Variants in EPHB1 observed in about 807,000 individuals in gnomAD.
EPHB1 encodes EPH receptor B1.
Under a neutral mutation model 94.4 loss-of-function variants are expected in EPHB1, and 30 were observed. The observed-to-expected ratio is 0.32, with a 90% CI of 0.24 to 0.43. The LOEUF (loss-of-function observed/expected upper bound fraction) is 0.43. Among genes scored for constraint, EPHB1 ranks in the 20% least tolerant of loss-of-function variants. The pLI is 1.00. For missense variants in EPHB1, 1,055 were observed against 1,308.3 expected, an observed-to-expected ratio of 0.81 and a Z score of 2.99; for synonymous variants, 522 against 489.1, an observed-to-expected ratio of 1.07 and a Z score of -0.89.
chr3:135,214,907 T>A (rs996672947), intron 12 of EPHB1, among the ~76,000 whole-genome samples: 1 of 152,210 alleles, frequency 6.6e-6, no homozygotes, highest in South Asian at 2.1e-4. Flanking sequence ...TTTGGCATGG[T>A]ACGAGGAATG....
intron 1 of EPHB1, chr3:134,841,504 A>T (rs1196104797): frequency 6.6e-6 from 1 of 152,228 alleles, no homozygotes; most frequent in Non-Finnish European, 1.5e-5. Context: ...AGGCAGTAGG[A>T]TGAGAGATTC....
chr3:135,226,224 A>G (rs1043854994), intron 12 of EPHB1, among the ~76,000 whole-genome samples: 4 of 152,108 alleles, frequency 2.6e-5, no homozygotes, highest in Non-Finnish European at 4.4e-5. Context: ...GCCCTGTCTC[A>G]TGGCAGTTTC....
At chr3:134,844,636 C>A (rs1231854819) in intron 1 of EPHB1, among the ~76,000 whole-genome samples, 2 of 152,210 alleles carry the variant, frequency 1.3e-5, no homozygotes, top group Non-Finnish European at 2.9e-5. Flanking sequence ...ACCTTCATAT[C>A]AGCAGAGCTC....
chr3:135,185,352 G>T (rs957756796), intron 10 of EPHB1, among the ~76,000 whole-genome samples: 1 of 152,158 alleles, frequency 6.6e-6, no homozygotes, highest in African/African-American at 2.4e-5. Flanking sequence ...ACAGCATGAG[G>T]GTAGCTCCAC....
At chr3:135,214,594 G>C (rs917131824) in intron 12 of EPHB1, among the ~76,000 whole-genome samples, 2 of 152,172 alleles carry the variant, frequency 1.3e-5, no homozygotes, top group Non-Finnish European at 2.9e-5. Context: ...CCAGGTCATG[G>C]TGTAGGCAGC....
intron 3 of EPHB1, among the ~76,000 whole-genome samples, chr3:135,081,270 T>C (rs1938153876): frequency 6.6e-6 from 1 of 152,194 alleles, no homozygotes; most frequent in East Asian, 1.9e-4. Flanking sequence ...GGGATAATTA[T>C]TTTAAGCTAC....
At chr3:135,054,183 G>A (rs1274029545) in intron 3 of EPHB1, among the ~76,000 whole-genome samples, 1 of 151,864 alleles carries the variant, frequency 6.6e-6, no homozygotes, top group Admixed American at 6.6e-5. Context: ...CATCCAATCA[G>A]TTGAAAGCCT....
chr3:135,010,272 C>T (rs1316344730), intron 3 of EPHB1, among the ~76,000 whole-genome samples: 3 of 152,096 alleles, frequency 2.0e-5, no homozygotes, highest in African/African-American at 4.8e-5. Context: ...CCCTTGATTT[C>T]CTACTTCCTC....
chr3:135,229,798 C>G (rs956898873), intron 12 of EPHB1, among the ~76,000 whole-genome samples: 9 of 152,184 alleles, frequency 5.9e-5, no homozygotes, highest in Admixed American at 5.9e-4. Flanking sequence ...AGCTGTATTG[C>G]CTGCCGTAGC....
chr3:135,068,516 G>A (rs1406213392), intron 3 of EPHB1, among the ~76,000 whole-genome samples: 1 of 151,684 alleles, frequency 6.6e-6, no homozygotes, highest in African/African-American at 2.4e-5. Flanking sequence ...TTTTATTGTT[G>A]TTGTAAGTGT....
chr3:135,134,955 C>T (rs888030410), intron 5 of EPHB1, among the ~76,000 whole-genome samples: 1 of 152,152 alleles, frequency 6.6e-6, no homozygotes, highest in African/African-American at 2.4e-5. Flanking sequence ...CCATCTGCAC[C>T]TTCCTAGACT....
In EPHB1 at chr3:135,241,267, G is replaced by A. The variant is rs1943776580; in HGVS notation, c.2466G>A (p.Glu822=). Reference sequence around the variant, plus strand: ...TGTGGGAAGTCATGTCATTTGGAGAGAGACCCTATTGGGATATGTCCAACC... The same window carrying A: ...TGTGGGAAGTCATGTCATTTGGAGAAAGACCCTATTGGGATATGTCCAACC... ...IVMWEVMSFG[E]RPYWDMSNQD... is the part of the protein sequence containing the mutation. Residue 822 remains glutamate, a synonymous_variant, in exon 13 of 16, where the codon GAG becomes GAA. Coordinates refer to ENST00000398015, the MANE Select transcript of EPHB1 (RefSeq NM_004441.5). 6.2e-7 allele frequency: 1 copy of A among 1,614,062 alleles called. No homozygotes were observed. The highest frequency in any genetic ancestry group is 1.1e-5 in the South Asian group (1 of 91,088).
At chr3:134,874,692 G>T (rs566414062) in intron 1 of EPHB1, among the ~76,000 whole-genome samples, 1 of 152,258 alleles carries the variant, frequency 6.6e-6, no homozygotes, top group East Asian at 1.9e-4. Flanking sequence ...TGACAACCTC[G>T]TGGGTGGGCA....
chr3:134,826,069 G>T (rs373989920), intron 1 of EPHB1, among the ~76,000 whole-genome samples: 2 of 138,658 alleles, frequency 1.4e-5, no homozygotes, highest in Admixed American at 1.4e-4. Flanking sequence ...GTGAAACCCC[G>T]TCTCTACTAA....
chr3:134,925,913 C>A (rs199801809), intron 2 of EPHB1, 33 bp downstream of exon 2: 13 of 1,564,320 alleles, frequency 8.3e-6, no homozygotes, highest in Middle Eastern at 3.4e-4. Flanking sequence ...TTCAGTCCTG[C>A]TATGAGGTCC....
intron 3 of EPHB1, among the ~76,000 whole-genome samples, chr3:135,046,982 C>CTG (rs910993752): frequency 6.6e-6 from 1 of 152,200 alleles, no homozygotes; most frequent in Non-Finnish European, 1.5e-5. Context: ...TTCTGTGGCC[C>CTG]TGAGCTTGAT....
At chr3:134,870,225 C>T (rs938382) in intron 1 of EPHB1, among the ~76,000 whole-genome samples, 83,426 of 151,924 alleles carry the variant, frequency 0.55, 25,655 homozygotes, top group East Asian at 0.8. Flanking sequence ...AAGAGGACTT[C>T]GGCCCACATC....
chr3:135,023,295 C>G (rs1226112845), intron 3 of EPHB1, among the ~76,000 whole-genome samples: 1 of 152,110 alleles, frequency 6.6e-6, no homozygotes, highest in African/African-American at 2.4e-5. Flanking sequence ...AATACATCTC[C>G]CATGGAGTAC....
chr3:134,887,093 G>A (rs973075263), intron 1 of EPHB1, among the ~76,000 whole-genome samples: 1 of 152,206 alleles, frequency 6.6e-6, no homozygotes, highest in Non-Finnish European at 1.5e-5. Context: ...TCATTATTCT[G>A]TGGGTTGGCC....
Sources: allele counts gnomAD v4.1 joint callset (sites outside exome capture counted in the v4.1 genomes callset), GRCh38; gene constraint gnomAD v4.1.1; transcripts MANE v1.5; gene names NCBI Gene and HGNC (gene_info 2026-07-23, HGNC 2026-07-21).